SORCS2: variants seen among roughly 807,000 people sequenced by gnomAD.
SORCS2 encodes the protein VPS10 domain-containing receptor SorCS2.
A neutral mutation model predicts 141.6 loss-of-function variants in SORCS2; 100 were observed. That is an observed-to-expected ratio of 0.71 (90% CI 0.60 to 0.83). The LOEUF is 0.83. SORCS2 is among the 40% of genes least tolerant of loss of function. The pLI, the probability that SORCS2 is intolerant of heterozygous loss-of-function variation, is 0.00. For synonymous variants in SORCS2, 789 were observed against 676.9 expected, an observed-to-expected ratio of 1.17 and a Z score of -2.57; for missense variants, 1,646 against 1,560.2, an observed-to-expected ratio of 1.05 and a Z score of -0.93.
intron 2 of SORCS2, among the ~76,000 whole-genome samples, chr4:7,436,894 G>T (rs1057280229): frequency 6.6e-6 from 1 of 152,184 alleles, no homozygotes; most frequent in Non-Finnish European, 1.5e-5. Context: ...CACGGATTGG[G>T]CATGCGTCGT....
chr4:7,485,630 G>A (rs1194434532), intron 2 of SORCS2, among the ~76,000 whole-genome samples: 2 of 152,256 alleles, frequency 1.3e-5, no homozygotes, highest in African/African-American at 4.8e-5. Flanking sequence ...AGGTTGTGGG[G>A]TCGGGTGGCT....
chr4:7,196,401 GC>G (rs1248488279), intron 1 of SORCS2, among the ~76,000 whole-genome samples: 1 of 152,088 alleles, frequency 6.6e-6, no homozygotes, highest in African/African-American at 2.4e-5. Context: ...AATGTGCTGT[GC>G]CCCGTCCTGT....
rs1577478433 is a variant in SORCS2 at position 7,385,247 on chromosome 4, G to A, written c.481-11041G>A. Among the ~76,000 whole-genome samples the A allele has an allele frequency of 2.0e-5, 3 of 152,312 alleles. No homozygotes were observed. In the South Asian group the frequency reaches 6.2e-4, roughly 32 times the overall value. ...AATGTGATACCCACCCCTCCCCTCA[G>A]GGGTCTTTAGTAGAAAGAAACGATA... On this transcript the variant is annotated intron_variant, in intron 1 of 26. Coordinates refer to ENST00000507866, the MANE Select transcript of SORCS2 (RefSeq NM_020777.3).
intron 3 of SORCS2, among the ~76,000 whole-genome samples, chr4:7,596,155 T>C (rs959573904): frequency 1.3e-5 from 2 of 152,122 alleles, no homozygotes; most frequent in African/African-American, 4.8e-5. Context: ...TGCCACACTG[T>C]GTGAGGCAGA....
intron 1 of SORCS2, among the ~76,000 whole-genome samples, chr4:7,392,927 G>A (rs1161598746): frequency 6.6e-6 from 1 of 151,050 alleles, no homozygotes; most frequent in Non-Finnish European, 1.5e-5. Context: ...CGAGAGAGTG[G>A]ATGAGTCGAT....
chr4:7,527,506 C>T (rs1263471128), intron 2 of SORCS2, among the ~76,000 whole-genome samples: 1 of 152,212 alleles, frequency 6.6e-6, no homozygotes, highest in African/African-American at 2.4e-5. Flanking sequence ...AGGTCGCTAG[C>T]AGGTGGGAGA....
At chr4:7,435,313 C>T (rs1727228309) in intron 2 of SORCS2, among the ~76,000 whole-genome samples, 1 of 152,166 alleles carries the variant, frequency 6.6e-6, no homozygotes, top group Non-Finnish European at 1.5e-5. Flanking sequence ...GGAGTCTCTG[C>T]CCCCATTCTG....
intron 15 of SORCS2, 71 bp from the exon 16 acceptor site, chr4:7,714,169 C>T: frequency 1.3e-6 from 2 of 1,531,802 alleles, no homozygotes; most frequent in Non-Finnish European, 8.8e-7. Context: ...CTGGCAGCCT[C>T]AGCGGCACAA....
chr4:7,605,651 T>C (rs1414733716), intron 3 of SORCS2, among the ~76,000 whole-genome samples: 9 of 152,240 alleles, frequency 5.9e-5, no homozygotes, highest in African/African-American at 1.9e-4. Flanking sequence ...GTATTTAGGC[T>C]GCCATATTGC....
intron 1 of SORCS2, among the ~76,000 whole-genome samples, chr4:7,224,058 C>T (rs967829397): frequency 1.3e-5 from 2 of 152,136 alleles, no homozygotes; most frequent in African/African-American, 4.8e-5. Context: ...CTGGGGGTCC[C>T]AGGGCTGGTG....
chr4:7,495,423 C>A (rs1258747369), intron 2 of SORCS2, among the ~76,000 whole-genome samples: 3 of 152,236 alleles, frequency 2.0e-5, no homozygotes, highest in Non-Finnish European at 4.4e-5. Flanking sequence ...GCTGTGTGTC[C>A]TCCGGCAGCT....
intron 8 of SORCS2, among the ~76,000 whole-genome samples, chr4:7,667,882 C>G (rs11944980): frequency 2.5e-3 from 375 of 152,314 alleles, no homozygotes; most frequent in African/African-American, 7.6e-3. Context: ...CAGAGAGACA[C>G]TAACCTGTCT....
chr4:7,549,479 C>CAGGCT (rs1364645109), intron 3 of SORCS2, among the ~76,000 whole-genome samples: 1 of 152,064 alleles, frequency 6.6e-6, no homozygotes, highest in Admixed American at 6.6e-5. Context: ...GAGGCCAGGC[C>CAGGCT]AGGCTACAGG....
chr4:7,697,345 C>A, intron 12 of SORCS2, 71 bp downstream of exon 12: 1 of 1,309,970 alleles, frequency 7.6e-7, no homozygotes, highest in Non-Finnish European at 1.1e-6. Context: ...CACTTCTGTT[C>A]TGTCATCCCG....
At chr4:7,332,352 A>G (rs1200761046) in intron 1 of SORCS2, among the ~76,000 whole-genome samples, 2 of 152,216 alleles carry the variant, frequency 1.3e-5, no homozygotes, top group Non-Finnish European at 2.9e-5. Context: ...GAACAGGACC[A>G]CAGAGGCACC....
intron 1 of SORCS2, among the ~76,000 whole-genome samples, chr4:7,359,960 T>C (rs527614131): frequency 6.6e-6 from 1 of 152,250 alleles, no homozygotes; most frequent in Admixed American, 6.5e-5. Context: ...ACAGTAATAA[T>C]AATCACAGCA....
At chr4:7,310,968 G>A (rs1434048382) in intron 1 of SORCS2, among the ~76,000 whole-genome samples, 1 of 152,206 alleles carries the variant, frequency 6.6e-6, no homozygotes, top group Non-Finnish European at 1.5e-5. Flanking sequence ...CAGATTCAAA[G>A]TGCACGATGT....
At chr4:7,311,113 A>G (rs1371312314) in intron 1 of SORCS2, among the ~76,000 whole-genome samples, 1 of 151,684 alleles carries the variant, frequency 6.6e-6, no homozygotes. Context: ...CTCCTCCCAG[A>G]CACCCACTGT....
chr4:7,249,852 A>T (rs1713366064), intron 1 of SORCS2, among the ~76,000 whole-genome samples: 1 of 152,204 alleles, frequency 6.6e-6, no homozygotes, highest in Non-Finnish European at 1.5e-5. Context: ...AGCTGGATTT[A>T]TCCACTCAGA....
Sources: allele counts gnomAD v4.1 joint callset (sites outside exome capture counted in the v4.1 genomes callset), GRCh38; gene constraint gnomAD v4.1.1; transcripts MANE v1.5; gene names NCBI Gene and HGNC (gene_info 2026-07-23, HGNC 2026-07-21).